The following TENM3 variants were observed in gnomAD, a reference collection of about 807,000 sequenced individuals.
The protein encoded by TENM3 is teneurin-3.
In TENM3, 63 loss-of-function variants were observed where a neutral mutation model predicts 255.1. That is an observed-to-expected ratio of 0.25 (90% CI 0.20 to 0.30). The LOEUF is 0.30. Among genes scored for constraint, TENM3 ranks in the 10% least tolerant of loss-of-function variants. The pLI is 1.00. For synonymous variants in TENM3, 1,306 were observed against 1,322.3 expected (o/e 0.99, Z 0.27); for missense variants, 2,929 against 3,461.1 (o/e 0.85, Z 3.86).
chr4:182,783,834 C>G (rs1765383206), intron 24 of TENM3, among the ~76,000 whole-genome samples: 1 of 152,034 alleles, frequency 6.6e-6, no homozygotes, highest in South Asian at 2.1e-4. Context: ...ACCCTTTCTT[C>G]CAGTTGATCG....
the TENM3 span, among the ~76,000 whole-genome samples, chr4:181,793,418 G>A: frequency 1.3e-5 from 2 of 152,160 alleles, no homozygotes; most frequent in Non-Finnish European, 2.9e-5. Context: ...CCTGATTTTA[G>A]GGCCCATTTT....
chr4:182,085,602 TA>T, the TENM3 span, among the ~76,000 whole-genome samples: 1 of 152,100 alleles, frequency 6.6e-6, no homozygotes, highest in Non-Finnish European at 1.5e-5. Flanking sequence ...AATTCACACT[TA>T]AAAGAAAAAT....
the TENM3 span, among the ~76,000 whole-genome samples, chr4:181,829,466 T>A: frequency 1.3e-5 from 2 of 152,272 alleles, no homozygotes; most frequent in Non-Finnish European, 2.9e-5. Flanking sequence ...TAGTTTGGGG[T>A]TTGGTCCTGA....
the TENM3 span, among the ~76,000 whole-genome samples, chr4:181,526,925 A>G: frequency 6.6e-6 from 1 of 152,114 alleles, no homozygotes; most frequent in African/African-American, 2.4e-5. Context: ...TAGTGTCCTT[A>G]TAGTTCAGTT....
intron 4 of TENM3, among the ~76,000 whole-genome samples, chr4:182,609,424 A>G (rs985182364): frequency 1.3e-5 from 2 of 152,152 alleles, no homozygotes; most frequent in Non-Finnish European, 2.9e-5. Flanking sequence ...ACCTGAGGTA[A>G]AGTCTGTTTT....
the TENM3 span, among the ~76,000 whole-genome samples, chr4:181,595,855 A>T: frequency 6.6e-6 from 1 of 152,068 alleles, no homozygotes. Context: ...GCATGACTGA[A>T]TCCACGTGTC....
intron 3 of TENM3, among the ~76,000 whole-genome samples, chr4:182,397,424 A>AAAAAAAAAAAAAAC (rs1768914056): frequency 6.9e-6 from 1 of 145,024 alleles, no homozygotes; most frequent in Non-Finnish European, 1.5e-5. Context: ...AAAAAAAAAA[A>AAAAAAAAAAAAAAC]AAAAATCAAA....
intron 1 of TENM3, among the ~76,000 whole-genome samples, chr4:182,186,622 A>T (rs918563914): frequency 1.3e-5 from 2 of 150,904 alleles, no homozygotes; most frequent in African/African-American, 4.9e-5. Context: ...CACACAGCCA[A>T]TGTATTGACT....
chr4:182,130,219 A>G, the TENM3 span, among the ~76,000 whole-genome samples: 2 of 152,346 alleles, frequency 1.3e-5, no homozygotes, highest in South Asian at 4.1e-4. Flanking sequence ...TAAAGAAATT[A>G]TGACATTTCT....
the TENM3 span, among the ~76,000 whole-genome samples, chr4:181,625,056 G>A: frequency 5.3e-5 from 8 of 152,300 alleles, no homozygotes; most frequent in South Asian, 1.7e-3. Flanking sequence ...CACTTTCCCT[G>A]CGTTTTGTTC....
At chr4:182,010,902 A>C in the TENM3 span, among the ~76,000 whole-genome samples, 32,816 of 152,144 alleles carry the variant, frequency 0.22, 3,683 homozygotes, top group Admixed American at 0.26. Context: ...TGCCATCAGC[A>C]GTTACCTGGC....
chr4:182,731,956 T>C (rs191239157), intron 16 of TENM3, among the ~76,000 whole-genome samples: 5,355 of 151,934 alleles, frequency 0.035, 219 homozygotes, highest in Non-Finnish European at 0.048. Context: ...TAATTTTTTG[T>C]ATTTTTAGTA....
At chr4:181,862,027 T>C in the TENM3 span, among the ~76,000 whole-genome samples, 18 of 152,164 alleles carry the variant, frequency 1.2e-4, no homozygotes, top group Admixed American at 1.2e-3. Context: ...CTGTTCAATA[T>C]TGATTTGTAT....
chr4:182,083,932 A>G, the TENM3 span, among the ~76,000 whole-genome samples: 1 of 152,154 alleles, frequency 6.6e-6, no homozygotes, highest in Non-Finnish European at 1.5e-5. Flanking sequence ...AGAACCCCAA[A>G]GCAGCTGTGA....
the TENM3 span, among the ~76,000 whole-genome samples, chr4:181,588,864 A>G: frequency 5.6e-3 from 856 of 152,292 alleles, 11 homozygotes; most frequent in African/African-American, 0.02. Flanking sequence ...AAAGAGGGTG[A>G]GAGGTCAGGG....
the TENM3 span, among the ~76,000 whole-genome samples, chr4:181,590,446 G>A: frequency 6.6e-6 from 1 of 152,194 alleles, no homozygotes; most frequent in African/African-American, 2.4e-5. Flanking sequence ...TGAATAGCAG[G>A]TCTGTGCCAA....
chr4:182,553,996 T>G (rs1742337732), intron 3 of TENM3, among the ~76,000 whole-genome samples: 1 of 152,192 alleles, frequency 6.6e-6, no homozygotes, highest in Non-Finnish European at 1.5e-5. Flanking sequence ...GGTATCTCAG[T>G]TTTTTTCTTC....
intron 3 of TENM3, among the ~76,000 whole-genome samples, chr4:182,591,106 G>A (rs1746598656): frequency 6.6e-6 from 1 of 152,090 alleles, no homozygotes. Context: ...ACACTCAAGA[G>A]ATGCTAAATG....
intron 1 of TENM3, among the ~76,000 whole-genome samples, chr4:182,314,869 T>A (rs997062601): frequency 1.3e-5 from 2 of 152,216 alleles, no homozygotes; most frequent in Admixed American, 6.5e-5. Context: ...TACCTTCTTT[T>A]GATTAGTTGT....
Sources: gnomAD v4.1 joint callset for allele counts (sites outside exome capture counted in the v4.1 genomes callset) on GRCh38, gnomAD v4.1.1 for gene constraint, MANE v1.5 for transcripts, NCBI Gene and HGNC (gene_info 2026-07-23, HGNC 2026-07-21) for gene names.